The following SLC4A1 variants were observed in gnomAD, a reference collection of about 807,000 sequenced individuals.
SLC4A1 encodes band 3 anion transport protein.
In SLC4A1, 29 loss-of-function variants were observed where a neutral mutation model predicts 93.1. The observed-to-expected ratio is 0.31, with a 90% confidence interval of 0.23 to 0.42. SLC4A1 has a LOEUF of 0.42. Among genes scored for constraint, SLC4A1 ranks in the 20% least tolerant of loss-of-function variants. The pLI is 1.00. For missense variants in SLC4A1, 965 were observed against 1,190.1 expected (o/e 0.81, Z 2.78); for synonymous variants, 469 against 497.2 (o/e 0.94, Z 0.76).
rs1486333323 is a variant in SLC4A1, at chr17:44,255,540, CA to C, written c.1800+132del. On this transcript the variant is annotated intron_variant, in intron 14 of 19. Coordinates refer to ENST00000262418, the MANE Select transcript of SLC4A1 (RefSeq NM_000342.4). ...GTGAAACCCTAGGTAAGGATAGGGC[CA>C]GGGGAGGTTGGAATTGGGAATGGGA... 10 of 990,266 alleles carry C rather than the reference CA, an allele frequency of 1.0e-5. No homozygotes were observed. The Admixed American group carries it at 1.9e-4, about 19-fold the overall frequency. The allele number at this position is 990,266 out of a possible 1,614,324, so 61.3% of individuals were successfully genotyped here.
intron 4 of SLC4A1, 60 bp downstream of exon 4, chr17:44,261,515 G>C (rs76359979): frequency 6.2e-7 from 1 of 1,613,904 alleles, no homozygotes; most frequent in Non-Finnish European, 8.5e-7. Flanking sequence ...TCTCTTCCCT[G>C]ATCAAATGGT....
At position 44,253,411 on chromosome 17, in the gene SLC4A1, C is replaced by T. The variant is rs758298651; in HGVS notation, c.2058-40G>A. 7.6e-6 allele frequency: 12 copies of T among 1,588,608 alleles called. No homozygotes were observed. The Admixed American group carries it at 1.7e-4, about 22-fold the overall frequency. On this transcript the variant is annotated intron_variant, in intron 16 of 19. Transcript: ENST00000262418. ...GGTGAGGGGTAAGCAGGGTTCTCCCCTGCCTCCTCCACCCCCTCCTTCCTT... is the reference window on the plus strand; with the variant it reads ...GGTGAGGGGTAAGCAGGGTTCTCCCTTGCCTCCTCCACCCCCTCCTTCCTT...
At chr17:44,266,265 G>T (rs1405773949) in intron 1 of SLC4A1, among the ~76,000 whole-genome samples, 1 of 152,138 alleles carries the variant, frequency 6.6e-6, no homozygotes, top group African/African-American at 2.4e-5. Flanking sequence ...TTCTCCCAAA[G>T]TTCCTCTTTC....
intron 8 of SLC4A1, 60 bp from the exon 9 acceptor site, chr17:44,259,404 G>A (rs867153462): frequency 6.2e-7 from 1 of 1,608,184 alleles, no homozygotes. Flanking sequence ...GTGCTGAAGA[G>A]ATGGGGCTGC....
At position 44,250,230 on chromosome 17, in the gene SLC4A1, A is replaced by G. The variant is rs2047326074; in HGVS notation, c.*228T>C. ...GTGTGGCAACAGGAGGGACTGTGCAACAAACCCCCTAATGTGGGCCCCATC... is the reference window on the plus strand; with the variant it reads ...GTGTGGCAACAGGAGGGACTGTGCAGCAAACCCCCTAATGTGGGCCCCATC... On this transcript the variant is annotated 3_prime_UTR_variant, in exon 20 of 20. Coordinates refer to ENST00000262418, the MANE Select transcript of SLC4A1 (RefSeq NM_000342.4). 1.1e-5 allele frequency: 6 copies of G among 533,960 alleles called. No homozygotes were observed. Among genetic ancestry groups the G allele is most frequent in the Non-Finnish European group, 2.1e-5 (6 of 292,400 alleles). The allele number at this position is 533,960 out of a possible 1,614,324, so 33.1% of individuals were successfully genotyped here. A position where few individuals can be genotyped will look rare whatever the true frequency, so the allele number is the denominator to read the frequency against.
intron 3 of SLC4A1, chr17:44,261,922 T>C (rs969162518): frequency 9.0e-7 from 1 of 1,108,584 alleles, no homozygotes. Context: ...TGAAGGGACC[T>C]CTCCAAGGTG....
rs201302444 is a variant in SLC4A1 at position 44,259,941 on chromosome 17, C to G, written c.486-9G>C. Reference sequence around the variant, plus strand: ...CCAGCTCTCCAGCGTGGCTGCAGGACGTACAGGGGACATGGGCTGAGTAAG... The same window carrying G: ...CCAGCTCTCCAGCGTGGCTGCAGGAGGTACAGGGGACATGGGCTGAGTAAG... On this transcript the variant is annotated splice_polypyrimidine_tract_variant and intron_variant, in intron 6 of 19. Transcript: ENST00000262418. 1.2e-6 allele frequency: 2 copies of G among 1,613,566 alleles called. No individual in the cohort carries two copies. The highest frequency in any genetic ancestry group is 2.2e-5 in the South Asian group (2 of 91,076).
chr17:44,250,863 G>T (rs796743867), intron 19 of SLC4A1, among the ~76,000 whole-genome samples: 8 of 152,210 alleles, frequency 5.3e-5, no homozygotes, highest in African/African-American at 1.7e-4. Flanking sequence ...CAAATGACTC[G>T]GAAGACGGCA....
intron 19 of SLC4A1, 67 bp downstream of exon 19, chr17:44,251,092 C>T (rs1233776109): frequency 2.6e-6 from 4 of 1,512,890 alleles, no homozygotes; most frequent in Non-Finnish European, 3.6e-6. Flanking sequence ...TCCTGCCTGC[C>T]CTAGTTCTGA....
In SLC4A1 at chr17:44,258,625, T is replaced by TA. The variant is rs747181893; in HGVS notation, c.877-3dup. 3.7e-5 allele frequency: 59 copies of TA among 1,585,686 alleles called. No individual in the cohort carries two copies. Among genetic ancestry groups the TA allele is most frequent in the Non-Finnish European group, 4.8e-5 (56 of 1,167,250 alleles). On this transcript the variant is annotated splice_polypyrimidine_tract_variant and splice_region_variant and intron_variant, in intron 9 of 19. Transcript: ENST00000262418. This position sits in a 1 kb window ranked among gnomAD's most constrained non-coding sequence, Gnocchi z 6.1. The stretch of plus-strand genomic sequence containing the variant: ...CATGTAGGCATCTATGCGGAACACC[T>TA]AGGGGCAGGAGACAGGGTCAGAGCT...
At chr17:44,262,585 C>T in intron 3 of SLC4A1, 51 bp downstream of exon 3, 1 of 1,412,418 alleles carries the variant, frequency 7.1e-7, no homozygotes, top group Non-Finnish European at 9.9e-7. Context: ...CCTCCTGTCC[C>T]TGTCTAGGGC....
intron 16 of SLC4A1, among the ~76,000 whole-genome samples, chr17:44,254,257 T>C: frequency 6.6e-6 from 1 of 151,978 alleles, no homozygotes; most frequent in East Asian, 1.9e-4. Context: ...ATTACGGGCG[T>C]GAGCCACCGC....
chr17:44,250,589 A>C (rs1392340370), intron 19 of SLC4A1, 51 bp from the exon 20 acceptor site: 1 of 1,487,050 alleles, frequency 6.7e-7, no homozygotes, highest in East Asian at 2.3e-5. Context: ...TGGGGCCAGA[A>C]GAGCCCTCCC....
At chr17:44,251,720 CTTT>C (rs67064853) in intron 17 of SLC4A1, 132 bp from the exon 18 acceptor site, 67 of 392,732 alleles carry the variant, frequency 1.7e-4, no homozygotes, top group Middle Eastern at 8.3e-4. Context: ...CTTTTCTTTT[CTTT>C]TTTTTTTTTT....
In SLC4A1 at chr17:44,258,087, A is replaced by G. The variant is rs768426818; in HGVS notation, c.1181T>C (p.Leu394Pro). Residue 394 changes from leucine to proline, a missense_variant, in exon 11 of 20, where the codon CTG becomes CCG. Leu to Pro is a moderately conservative substitution (Grantham distance 98). This residue lies in a region of SLC4A1 where 770 missense variants were observed against 1,006.6 expected (regional missense o/e 0.76). Transcript: ENST00000262418. This position sits in a 1 kb window ranked among gnomAD's most constrained non-coding sequence, Gnocchi z 6.1. ...GCTGAATGCATCTGTGATGTCACTC[A>G]GGTAATAGGGGTAGCGGCGCCGGAT... ...RDIRRRYPYY[L>P]SDITDAFSPQ... 46 of 1,614,036 alleles carry G rather than the reference A, an allele frequency of 2.9e-5. 1 individual carries two copies. The Admixed American group carries it at 7.7e-4, about 27-fold the overall frequency.
chr17:44,259,517 T>G lies in SLC4A1; in HGVS notation c.674A>C (p.Glu225Ala). Residue 225 changes from glutamate (E) to alanine (A), a missense_variant, in exon 8 of 20, where the codon GAG becomes GCG. Around this residue, in one of 2 missense-constraint regions of SLC4A1, gnomAD observed 770 missense variants for 1,006.6 expected, o/e 0.76. Transcript: ENST00000262418. ...GILEKIPPDSEATLVLVGRAD... is the reference protein window; with the variant it reads ...GILEKIPPDSAATLVLVGRAD... ...CTTACCCACTAGCACCAACGTGGCC[T>G]CTGAATCCGGGGGAATCTTTTCCAG... The G allele has an allele frequency of 1.2e-6, 2 of 1,614,064 alleles. No individual in the cohort carries two copies. The highest frequency in any genetic ancestry group is 2.2e-5 in the South Asian group (2 of 91,084).
chr17:44,259,166 C>T lies in SLC4A1; in HGVS notation c.873G>A (p.Glu291=). 1.2e-6 allele frequency: 2 copies of T among 1,614,010 alleles called. No homozygotes were observed. The highest frequency in any genetic ancestry group is 1.7e-6 in the Non-Finnish European group (2 of 1,180,038). ...LGRAAATLMS[E]RVFRIDAYMA... is the part of the protein sequence containing the mutation. Reference sequence around the variant, plus strand: ...GCCCTCTCCGGCCCTTCCTTACCCTCTCTGACATGAGGGTGGCAGCAGCCC... The same window carrying T: ...GCCCTCTCCGGCCCTTCCTTACCCTTTCTGACATGAGGGTGGCAGCAGCCC... Residue 291 remains glutamate (E), a synonymous_variant, in exon 9 of 20, where the codon GAG becomes GAA. Coordinates refer to ENST00000262418, the MANE Select transcript of SLC4A1 (RefSeq NM_000342.4).
intron 16 of SLC4A1, 27 bp downstream of exon 16, chr17:44,254,469 A>G: frequency 6.0e-6 from 4 of 665,384 alleles, no homozygotes; most frequent in Non-Finnish European, 1.1e-5. Context: ...CCACCCTCCC[A>G]GGCCCAGCCC....
In SLC4A1 at chr17:44,259,339, C is replaced by T. The variant is rs780256979; in HGVS notation, c.700G>A (p.Ala234Thr). 4.2e-5 allele frequency: 68 copies of T among 1,613,426 alleles called. No homozygotes were observed. In the Admixed American group the frequency reaches 4.8e-4, roughly 11 times the overall value. ...SEATLVLVGR[A>T]DFLEQPVLGF... ...AGCACCGGCTGCTCCAGGAAGTCGG[C>T]GCGGCCTGTTAGGGGATGAGAAGAT... The change falls in exon 9 of 20, where the codon GCC becomes ACC. Residue 234 changes from alanine to threonine, a missense_variant. Transcript: ENST00000262418.
Sources: gnomAD v4.1 joint callset for allele counts (sites outside exome capture counted in the v4.1 genomes callset) on GRCh38, gnomAD v4.1.1 for gene constraint, gnomAD v4.1.1 regional missense constraint, Gnocchi (gnomAD v3.1) non-coding constraint, MANE v1.5 for transcripts, NCBI Gene and HGNC (gene_info 2026-07-23, HGNC 2026-07-21) for gene names.